RAB3B: variants seen among roughly 807,000 people sequenced by gnomAD.
RAB3B encodes the protein ras-related protein Rab-3B.
In RAB3B, 11 loss-of-function variants were observed where a neutral mutation model predicts 20.5. That is an observed-to-expected ratio of 0.54 (90% CI 0.34 to 0.89). The LOEUF is 0.89. RAB3B is among the 40% of genes least tolerant of loss of function. RAB3B has a pLI of 0.02. For synonymous variants in RAB3B, 99 were observed against 106.3 expected (o/e 0.93, Z 0.42); for missense variants, 225 against 280.9 (o/e 0.80, Z 1.42).
At chr1:51,947,716 A>G (rs577114974) in intron 2 of RAB3B, among the ~76,000 whole-genome samples, 2 of 152,186 alleles carry the variant, frequency 1.3e-5, no homozygotes, top group South Asian at 4.2e-4. Flanking sequence ...ATCTCTGTTC[A>G]TGCTACTCTC....
chr1:51,933,107 T>C (rs1468810678), intron 4 of RAB3B, among the ~76,000 whole-genome samples: 1 of 152,156 alleles, frequency 6.6e-6, no homozygotes, highest in Non-Finnish European at 1.5e-5. Flanking sequence ...AATATATACA[T>C]ATCAAAAATG....
intron 2 of RAB3B, among the ~76,000 whole-genome samples, 182 bp downstream of exon 2, chr1:51,976,708 C>A (rs558295115): frequency 6.6e-6 from 1 of 152,156 alleles, no homozygotes; most frequent in African/African-American, 2.4e-5. Context: ...GCAACTGAAC[C>A]CCTGGAGGAG....
intron 1 of RAB3B, among the ~76,000 whole-genome samples, chr1:51,986,582 C>T (rs1685154948): frequency 6.6e-6 from 1 of 152,042 alleles, no homozygotes; most frequent in African/African-American, 2.4e-5. Context: ...CACTGTATCC[C>T]AACCTGGGTG....
intron 1 of RAB3B, among the ~76,000 whole-genome samples, chr1:51,987,766 C>T (rs1685170655): frequency 6.6e-6 from 1 of 152,080 alleles, no homozygotes; most frequent in Admixed American, 6.5e-5. Flanking sequence ...CCATATATAC[C>T]GAAATCCACG....
At chr1:51,967,959 T>C (rs1448078726) in intron 2 of RAB3B, among the ~76,000 whole-genome samples, 1 of 152,090 alleles carries the variant, frequency 6.6e-6, no homozygotes, top group African/African-American at 2.4e-5. Flanking sequence ...ATCTTGAAAA[T>C]GCAGGATTGA....
At chr1:51,976,718 G>A (rs1308957568) in intron 2 of RAB3B, among the ~76,000 whole-genome samples, 172 bp downstream of exon 2, 1 of 152,172 alleles carries the variant, frequency 6.6e-6, no homozygotes, top group Non-Finnish European at 1.5e-5. Flanking sequence ...CCCTGGAGGA[G>A]AGCAAACTTG....
chr1:51,966,045 C>A (rs1684847035), intron 2 of RAB3B, among the ~76,000 whole-genome samples: 1 of 152,202 alleles, frequency 6.6e-6, no homozygotes. Context: ...TGGTGTATAT[C>A]CCCCTTCTCC....
intron 2 of RAB3B, among the ~76,000 whole-genome samples, chr1:51,971,700 G>A (rs116225010): frequency 7.6e-4 from 116 of 152,098 alleles, no homozygotes; most frequent in African/African-American, 2.4e-3. Context: ...CCAAAGTGCC[G>A]GATTACAGGC....
chr1:51,921,057 G>C (rs1297210669), intron 4 of RAB3B, among the ~76,000 whole-genome samples: 1 of 152,170 alleles, frequency 6.6e-6, no homozygotes, highest in Admixed American at 6.5e-5. Flanking sequence ...TGTCCCAAGA[G>C]ACACAGCAAA....
intron 1 of RAB3B, among the ~76,000 whole-genome samples, chr1:51,989,718 C>T (rs369022553): frequency 1.7e-4 from 26 of 151,948 alleles, no homozygotes; most frequent in African/African-American, 5.6e-4. Flanking sequence ...GTGTCTCCAC[C>T]GGCTCCCTGC....
chr1:51,953,035 T>C (rs1684660668), intron 2 of RAB3B, among the ~76,000 whole-genome samples: 1 of 152,218 alleles, frequency 6.6e-6, no homozygotes, highest in African/African-American at 2.4e-5. Context: ...TTATGACCTA[T>C]TTCATTTGTG....
Position 51,931,877 on chromosome 1 carries a change from G to A in RAB3B, c.472+1441C>T, listed in dbSNP as rs187513032. Among the ~76,000 whole-genome samples, 4 of 152,198 alleles carry A rather than the reference G, an allele frequency of 2.6e-5. No individual in the cohort carries two copies. In the East Asian group the frequency reaches 7.7e-4, roughly 29 times the overall value. On this transcript the variant is annotated intron_variant, in intron 4 of 4. Coordinates refer to ENST00000371655, the MANE Select transcript of RAB3B (RefSeq NM_002867.4). ...ATTCCAAGCAGATGAAATATAGTCAGTCCAGGGAGAGTGCTGGGAGCCTCC... is the reference window on the plus strand; with the variant it reads ...ATTCCAAGCAGATGAAATATAGTCAATCCAGGGAGAGTGCTGGGAGCCTCC...
Position 51,914,113 on chromosome 1 carries a change from G to A in RAB3B, c.*5814C>T, listed in dbSNP as rs1339457653. 1 of 152,212 alleles carries A rather than the reference G, an allele frequency of 6.6e-6. No homozygotes were observed. Among genetic ancestry groups the A allele is most frequent in the Non-Finnish European group, 1.5e-5 (1 of 68,034 alleles). 9.4% of individuals were successfully genotyped at this position (152,212 alleles called of 1,614,324 possible). Reference sequence around the variant, plus strand: ...CATGTTTGTTGTTTTAAGCCTGTAAGTTTTGGAGTGGTTGGTTACGTCCTT... The same window carrying A: ...CATGTTTGTTGTTTTAAGCCTGTAAATTTTGGAGTGGTTGGTTACGTCCTT... On this transcript the variant is annotated 3_prime_UTR_variant, in exon 5 of 5. Transcript: ENST00000371655.
rs1000142794 is a variant in RAB3B at position 51,917,724 on chromosome 1, T to C, written c.*2203A>G. The C allele has an allele frequency of 6.8e-6, 1 of 146,108 alleles. No individual in the cohort carries two copies. Among genetic ancestry groups the C allele is most frequent in the African/African-American group, 2.5e-5 (1 of 40,290 alleles). 9.1% of individuals were successfully genotyped at this position (146,108 alleles called of 1,614,324 possible). On this transcript the variant is annotated 3_prime_UTR_variant, in exon 5 of 5. Transcript: ENST00000371655. ...GGCATGCACCATCACATCTGGCTAA[T>C]TTTTTTTTTTGTAGGGATAGAATTT...
At position 51,937,377 on chromosome 1, in the gene RAB3B, T is replaced by G. The variant is rs534595946; in HGVS notation, c.264A>C (p.Thr88=). 1 of 1,612,746 alleles carries G rather than the reference T, an allele frequency of 6.2e-7. No homozygotes were observed. Among genetic ancestry groups the G allele is most frequent in the Admixed American group, 1.7e-5 (1 of 59,856 alleles). ...TAGQERYRTI[T]TAYYRGAMGF... is the part of the protein sequence containing the mutation. ...CCATGGCCCCACGGTAATAGGCTGT[T>G]GTGATGGTCCGGTACCGCTCCTGCC... The change falls in exon 3 of 5, where the codon ACA becomes ACC. Residue 88 remains threonine (T), a synonymous_variant. Coordinates refer to ENST00000371655, the MANE Select transcript of RAB3B (RefSeq NM_002867.4).
chr1:51,950,083 AG>A (rs1184079866), intron 2 of RAB3B, among the ~76,000 whole-genome samples: 1 of 152,152 alleles, frequency 6.6e-6, no homozygotes, highest in Admixed American at 6.5e-5. Context: ...AGGACAGGTG[AG>A]GGGTGGGCCA....
chr1:51,977,242 A>G (rs750742223), intron 1 of RAB3B, 125 bp from the exon 2 acceptor site: 1 of 705,232 alleles, frequency 1.4e-6, no homozygotes, highest in Non-Finnish European at 2.4e-6. Flanking sequence ...GAGGAAATGC[A>G]CACTACTCAG....
At chr1:51,957,159 G>C (rs1684718100) in intron 2 of RAB3B, among the ~76,000 whole-genome samples, 1 of 152,230 alleles carries the variant, frequency 6.6e-6, no homozygotes. Flanking sequence ...ACTTAGGCTA[G>C]AGTCAGGACC....
chr1:51,986,850 T>C (rs1232736187), intron 1 of RAB3B, among the ~76,000 whole-genome samples: 2 of 152,204 alleles, frequency 1.3e-5, no homozygotes, highest in African/African-American at 2.4e-5. Flanking sequence ...CTCAGACATT[T>C]GGAAGACAGG....
Sources: gnomAD v4.1 joint callset for allele counts (sites outside exome capture counted in the v4.1 genomes callset) on GRCh38, gnomAD v4.1.1 for gene constraint, MANE v1.5 for transcripts, NCBI Gene and HGNC (gene_info 2026-07-23, HGNC 2026-07-21) for gene names.